Variants in MERTK observed in about 807,000 individuals in gnomAD.
MERTK encodes the protein tyrosine-protein kinase Mer.
In MERTK, 69 loss-of-function variants were observed where a neutral mutation model predicts 99.3. The ratio of observed to expected loss-of-function variants is 0.70; its 90% CI spans 0.57 to 0.85. The LOEUF (loss-of-function observed/expected upper bound fraction) is 0.85. Among genes scored for constraint, MERTK ranks in the 40% least tolerant of loss-of-function variants. MERTK has a pLI of 0.00. For synonymous variants in MERTK, 426 were observed against 467.6 expected (o/e 0.91, Z 1.15); for missense variants, 1,125 against 1,249.4 (o/e 0.90, Z 1.50).
chr2:112,001,127 C>A, intron 10 of MERTK, 74 bp from the exon 11 acceptor site: 1 of 1,130,698 alleles, frequency 8.8e-7, no homozygotes, highest in Non-Finnish European at 1.4e-6. Context: ...AGCTCTGTAG[C>A]ATCCTTGTGG....
intron 4 of MERTK, among the ~76,000 whole-genome samples, chr2:111,948,610 C>G (rs963742215): frequency 1.3e-5 from 2 of 152,112 alleles, no homozygotes; most frequent in Admixed American, 1.3e-4. Flanking sequence ...TCACCATTTT[C>G]CCATCCTTCC....
intron 6 of MERTK, among the ~76,000 whole-genome samples, chr2:111,973,248 G>T (rs1490164038): frequency 1.3e-5 from 2 of 152,074 alleles, no homozygotes; most frequent in Non-Finnish European, 2.9e-5. Context: ...AGTGGGGCGG[G>T]GAGGAGAGCC....
At chr2:111,982,733 G>A in intron 7 of MERTK, 109 bp from the exon 8 acceptor site, 1 of 1,201,604 alleles carries the variant, frequency 8.3e-7, no homozygotes, top group South Asian at 1.2e-5. Flanking sequence ...GGTCTCATTT[G>A]AGTGCTTTTC....
chr2:112,021,543 A>G lies in MERTK; in HGVS notation c.2311A>G (p.Ser771Gly), dbSNP rs1310636563. 1.3e-6 allele frequency: 2 copies of G among 1,541,096 alleles called. No individual in the cohort carries two copies. The highest frequency in any genetic ancestry group is 8.8e-7 in the Non-Finnish European group (1 of 1,138,834). Reference sequence around the variant, plus strand: ...GCCTGTTAAATGGATCGCCATAGAAAGTCTTGCAGACCGAGTCTACACAAG... The same window carrying G: ...GCCTGTTAAATGGATCGCCATAGAAGGTCTTGCAGACCGAGTCTACACAAG... Reference protein sequence around the residue: ...KMPVKWIAIESLADRVYTSKS... With the variant: ...KMPVKWIAIEGLADRVYTSKS... Residue 771 changes from serine to glycine, a missense_variant, in exon 17 of 19, where the codon AGT becomes GGT. Coordinates refer to ENST00000295408, the MANE Select transcript of MERTK (RefSeq NM_006343.3).
chr2:111,943,828 TAGGG>T (rs578088560), intron 2 of MERTK, among the ~76,000 whole-genome samples: 69 of 152,286 alleles, frequency 4.5e-4, no homozygotes, highest in Non-Finnish European at 8.5e-4. Flanking sequence ...TAAATGGAAT[TAGGG>T]TCTAGTCTCA....
At chr2:111,992,386 G>GA (rs35456831) in intron 8 of MERTK, among the ~76,000 whole-genome samples, 93,832 of 151,766 alleles carry the variant, frequency 0.62, 29,385 homozygotes, top group Middle Eastern at 0.69. Context: ...GGGCGGGCAT[G>GA]AAAGCTCTGC....
At chr2:111,920,482 G>A (rs1460496201) in intron 1 of MERTK, among the ~76,000 whole-genome samples, 2 of 151,966 alleles carry the variant, frequency 1.3e-5, no homozygotes, top group African/African-American at 2.4e-5. Context: ...TGGCCCAAGG[G>A]TCACTCCAGT....
At chr2:111,961,445 G>A (rs1343352342) in intron 4 of MERTK, among the ~76,000 whole-genome samples, 9 of 152,048 alleles carry the variant, frequency 5.9e-5, no homozygotes, top group African/African-American at 1.2e-4. Context: ...ATGAGCCACC[G>A]CACCCGGCCG....
chr2:112,026,380 A>G (rs6730521), intron 18 of MERTK, among the ~76,000 whole-genome samples: 35,593 of 152,144 alleles, frequency 0.23, 4,493 homozygotes, highest in South Asian at 0.32. Context: ...TAAGTTAAAT[A>G]CCACAGCCTC....
chr2:111,947,006 G>A (rs1160323486), intron 3 of MERTK, among the ~76,000 whole-genome samples: 1 of 152,152 alleles, frequency 6.6e-6, no homozygotes, highest in East Asian at 1.9e-4. Context: ...TGGGCGCGGT[G>A]GCACGCCTGT....
At position 111,944,689 on chromosome 2, in the gene MERTK, CA is replaced by C. The variant is rs370711977; in HGVS notation, c.483-269del. On this transcript the variant is annotated intron_variant, in intron 2 of 18. Transcript: ENST00000295408. ...CTCTGTCTTTTTCTTATAAGGCCTT[CA>C]ACTGTTTGGATGGGGCCTGCCCCCA... Among the ~76,000 whole-genome samples, 65 of 152,210 alleles carry C rather than the reference CA, an allele frequency of 4.3e-4. No individual in the cohort carries two copies. The South Asian group carries it at 0.013, about 31-fold the overall frequency.
At chr2:111,919,210 T>C (rs983667936) in intron 1 of MERTK, among the ~76,000 whole-genome samples, 13 of 152,096 alleles carry the variant, frequency 8.5e-5, no homozygotes, top group African/African-American at 2.4e-4. Context: ...GCATGAGGAT[T>C]TGCGAGCTCC....
intron 1 of MERTK, among the ~76,000 whole-genome samples, chr2:111,915,395 T>C (rs1445438027): frequency 6.6e-6 from 1 of 152,014 alleles, no homozygotes; most frequent in Non-Finnish European, 1.5e-5. Flanking sequence ...ATTATTTTCT[T>C]CTTTCTGCTT....
intron 1 of MERTK, among the ~76,000 whole-genome samples, chr2:111,922,559 AG>A (rs1684485545): frequency 6.6e-6 from 1 of 152,244 alleles, no homozygotes; most frequent in African/African-American, 2.4e-5. Context: ...ACCTGGCTTT[AG>A]AAATTCCTAC....
chr2:112,010,093 A>G, intron 15 of MERTK, 27 bp downstream of exon 15: 1 of 1,496,422 alleles, frequency 6.7e-7, no homozygotes, highest in Middle Eastern at 1.7e-4. Flanking sequence ...GTTACCCCTG[A>G]ACACTTCTCA....
chr2:111,914,097 C>CT (rs1684302060), intron 1 of MERTK, among the ~76,000 whole-genome samples: 1 of 117,420 alleles, frequency 8.5e-6, no homozygotes, highest in Non-Finnish European at 1.8e-5. Context: ...TTCTTTCTTT[C>CT]TTTCTTTTTT....
intron 10 of MERTK, among the ~76,000 whole-genome samples, chr2:112,000,444 A>G (rs1210832014): frequency 6.6e-6 from 1 of 151,974 alleles, no homozygotes; most frequent in East Asian, 1.9e-4. Flanking sequence ...CATTTCTTAG[A>G]CCTTCCTTGT....
chr2:111,936,777 T>C (rs1016017190), intron 2 of MERTK, among the ~76,000 whole-genome samples: 2 of 152,128 alleles, frequency 1.3e-5, no homozygotes, highest in African/African-American at 2.4e-5. Context: ...AACTAGCATA[T>C]CCGTTTGTCC....
chr2:111,970,747 T>C (rs1455571191), intron 6 of MERTK, among the ~76,000 whole-genome samples: 11 of 74,260 alleles, frequency 1.5e-4, no homozygotes, highest in African/African-American at 1.7e-4. Flanking sequence ...TACTCCTCCC[T>C]CCTCCCTTCT....
Sources: gnomAD v4.1 joint callset for allele counts (sites outside exome capture counted in the v4.1 genomes callset) on GRCh38, gnomAD v4.1.1 for gene constraint, MANE v1.5 for transcripts, NCBI Gene and HGNC (gene_info 2026-07-23, HGNC 2026-07-21) for gene names.